Variants in KCNQ1 observed in about 807,000 individuals in gnomAD.
KCNQ1 encodes potassium voltage-gated channel subfamily Q member 1, also known as potassium voltage-gated channel subfamily KQT member 1.
Under a neutral mutation model 72.4 loss-of-function variants are expected in KCNQ1, and 49 were observed. That is an observed-to-expected ratio of 0.68 (90% CI 0.54 to 0.86). The LOEUF (loss-of-function observed/expected upper bound fraction) is 0.86, where lower values mean the gene tolerates loss of function less well. Among genes scored for constraint, KCNQ1 ranks in the 40% least tolerant of loss-of-function variants. The pLI, the probability that KCNQ1 is intolerant of heterozygous loss-of-function variation, is 0.00. For missense variants in KCNQ1, 790 were observed against 945.1 expected (o/e 0.84, Z 2.15); for synonymous variants, 450 against 412.6 (o/e 1.09, Z -1.10).
chr11:2,705,795 G>A (rs981224185), intron 11 of KCNQ1, among the ~76,000 whole-genome samples: 2 of 152,226 alleles, frequency 1.3e-5, no homozygotes, highest in Non-Finnish European at 2.9e-5. Context: ...TCGCTCTGGT[G>A]GTTATAGTTT....
chr11:2,726,088 C>A (rs925931925), intron 11 of KCNQ1, among the ~76,000 whole-genome samples: 2 of 152,154 alleles, frequency 1.3e-5, no homozygotes, highest in African/African-American at 4.8e-5. Flanking sequence ...GCCACCTCTG[C>A]GTGGGTGAAG....
intron 10 of KCNQ1, chr11:2,630,877 A>G (rs1849341325): frequency 5.0e-6 from 2 of 398,364 alleles, no homozygotes; most frequent in African/African-American, 2.1e-5. Flanking sequence ...GCAGTTTTTT[A>G]TCTTTCAGAA....
In KCNQ1 at chr11:2,532,687, G is replaced by A. The variant is rs111955334; in HGVS notation, c.477+4669G>A. On this transcript the variant is annotated intron_variant, in intron 2 of 15. Transcript: ENST00000155840. ...AGAAGGAGGTAAGCTGGTGCTGGCG[G>A]GGCAGGCAGGGACCCCTCCCAGGGC... Among the ~76,000 whole-genome samples the A allele has an allele frequency of 1.3e-3, 193 of 152,288 alleles. 3 individuals carry two copies. Among genetic ancestry groups the A allele is most frequent in the African/African-American group, 4.5e-3 (185 of 41,562 alleles).
rs993585183 is a variant in KCNQ1, at chr11:2,734,975, C to T, written c.1515-33869C>T. 5.3e-5 allele frequency among the ~76,000 whole-genome samples: 8 copies of T among 152,188 alleles called. No individual in the cohort carries two copies. The highest frequency in any genetic ancestry group is 5.2e-4 in the Admixed American group (8 of 15,306). The stretch of plus-strand genomic sequence containing the variant: ...ATGTGCCCCGGAGTGGCCGCGTGCC[C>T]AGCCGGCTGTGCACGCTGCCCCAGG... On this transcript the variant is annotated intron_variant, in intron 11 of 15. Transcript: ENST00000155840. This position sits in a 1 kb window ranked among gnomAD's most constrained non-coding sequence, Gnocchi z 7.0.
chr11:2,507,293 C>T lies in KCNQ1; in HGVS notation c.387-20635C>T, dbSNP rs995078990. Among the ~76,000 whole-genome samples, 1 of 152,194 alleles carries T rather than the reference C, an allele frequency of 6.6e-6. No individual in the cohort carries two copies. The highest frequency in any genetic ancestry group is 1.5e-5 in the Non-Finnish European group (1 of 68,046). ...CTTCCTTAGAAGTTCACCCCACTGG[C>T]TGGGGCCTTCACGAGGCCCCTCTGG... On this transcript the variant is annotated intron_variant, in intron 1 of 15. Coordinates refer to ENST00000155840, the MANE Select transcript of KCNQ1 (RefSeq NM_000218.3). This position sits in a 1 kb window ranked among gnomAD's most constrained non-coding sequence, Gnocchi z 5.4.
At chr11:2,582,360 C>T (rs1323292795) in intron 6 of KCNQ1, among the ~76,000 whole-genome samples, 1 of 152,150 alleles carries the variant, frequency 6.6e-6, no homozygotes, top group Non-Finnish European at 1.5e-5. Flanking sequence ...TCAGGTGGGC[C>T]GGGGTTTGTT....
In KCNQ1 at chr11:2,479,624, G is replaced by C. The variant is rs1162231994; in HGVS notation, c.386+34140G>C. On this transcript the variant is annotated intron_variant, in intron 1 of 15. Transcript: ENST00000155840. The surrounding 1 kb of genome is among the most constrained non-coding windows in gnomAD (Gnocchi z 4.6). ...GGGCCCAGTCCAGGAAACCATTTTT[G>C]CCTCCTAGGCCTCTGGGCCTGGGAT... is the stretch of plus-strand genomic sequence containing the variant. Among the ~76,000 whole-genome samples the C allele has an allele frequency of 6.6e-6, 1 of 152,182 alleles. No individual in the cohort carries two copies. Among genetic ancestry groups the C allele is most frequent in the Admixed American group, 6.5e-5 (1 of 15,282 alleles).
rs1270603505 is a variant in KCNQ1 at position 2,642,710 on chromosome 11, A to T, written c.1394-19251A>T. The T allele has an allele frequency of 5.0e-6, 2 of 397,416 alleles. No homozygotes were observed. Among genetic ancestry groups the T allele is most frequent in the East Asian group, 3.6e-5 (1 of 27,936 alleles). The allele number at this position is 397,416 out of a possible 1,614,324, so 24.6% of individuals were successfully genotyped here. On this transcript the variant is annotated intron_variant, in intron 10 of 15. Transcript: ENST00000155840. This position sits in a 1 kb window ranked among gnomAD's most constrained non-coding sequence, Gnocchi z 4.3. ...CTTTCCTTCTACTAATTTTATGTTT[A>T]GTATGGTTTGTTCTTGCTTTTCTGG...
At chr11:2,511,860 G>A (rs1209942893) in intron 1 of KCNQ1, among the ~76,000 whole-genome samples, 2 of 152,218 alleles carry the variant, frequency 1.3e-5, no homozygotes, top group Non-Finnish European at 1.5e-5. Flanking sequence ...CTGCCCTGTG[G>A]AGCCCGGCCT....
intron 2 of KCNQ1, among the ~76,000 whole-genome samples, chr11:2,561,598 G>A (rs1025695561): frequency 5.9e-5 from 9 of 152,242 alleles, no homozygotes; most frequent in South Asian, 2.1e-4. Context: ...TGAGCTGCTC[G>A]TCTGGGTCCC....
chr11:2,623,994 G>C lies in KCNQ1; in HGVS notation c.1393+35140G>C, dbSNP rs543060681. The C allele has an allele frequency of 2.5e-6, 1 of 398,960 alleles. No individual in the cohort carries two copies. Among genetic ancestry groups the C allele is most frequent in the South Asian group, 1.3e-4 (1 of 7,860 alleles). 24.7% of individuals were successfully genotyped at this position (398,960 alleles called of 1,614,324 possible). ...GCACCACTTTACATTCCCATTAATGGTATATGTCAAAGTGGCTGTACCATT... is the reference window on the plus strand; with the variant it reads ...GCACCACTTTACATTCCCATTAATGCTATATGTCAAAGTGGCTGTACCATT... On this transcript the variant is annotated intron_variant, in intron 10 of 15. Transcript: ENST00000155840. The surrounding 1 kb of genome is among the most constrained non-coding windows in gnomAD (Gnocchi z 5.2).
rs796223106 is a variant in KCNQ1 at position 2,544,293 on chromosome 11, T to TATATATGTGTATATATGTATATATATAC, written c.477+16275_477+16276insATATATGTGTATATATGTATATATATAC. On this transcript the variant is annotated intron_variant, in intron 2 of 15. Coordinates refer to ENST00000155840, the MANE Select transcript of KCNQ1 (RefSeq NM_000218.3). The surrounding 1 kb of genome is among the most constrained non-coding windows in gnomAD (Gnocchi z 4.4). ...GTGTATATATATGTGTATATATATA[T>TATATATGTGTATATATGTATATATATAC]GTATATATGTGTATATATGTATATA... is the stretch of plus-strand genomic sequence containing the variant. Among the ~76,000 whole-genome samples the TATATATGTGTATATATGTATATATATAC allele has an allele frequency of 7.3e-6, 1 of 136,540 alleles. No individual in the cohort carries two copies. The highest frequency in any genetic ancestry group is 3.2e-5 in the African/African-American group (1 of 31,662). The allele number at this position is 136,540 out of a possible 152,430, so 89.6% of individuals were successfully genotyped here.
At chr11:2,524,429 G>GTGTT (rs1258346675) in intron 1 of KCNQ1, among the ~76,000 whole-genome samples, 9 of 152,306 alleles carry the variant, frequency 5.9e-5, no homozygotes, top group African/African-American at 2.2e-4. Context: ...CTTGTAGCAT[G>GTGTT]TGTTTGATGA....
chr11:2,517,743 G>A (rs1847312062), intron 1 of KCNQ1, among the ~76,000 whole-genome samples: 2 of 152,202 alleles, frequency 1.3e-5, no homozygotes, highest in African/African-American at 4.8e-5. Context: ...ATGCCTGCAC[G>A]TCCTGCCCGC....
rs990061777 is a variant in KCNQ1, at chr11:2,612,830, T to C, written c.1393+23976T>C. The C allele has an allele frequency of 7.5e-6, 3 of 398,514 alleles. No homozygotes were observed. Among genetic ancestry groups the C allele is most frequent in the African/African-American group, 2.1e-5 (1 of 48,632 alleles). 24.7% of individuals were successfully genotyped at this position (398,514 alleles called of 1,614,324 possible). A position where few individuals can be genotyped will look rare whatever the true frequency, so the allele number is the denominator to read the frequency against. The stretch of plus-strand genomic sequence containing the variant: ...CATTTTTTTTGTTAAAAACTTACTT[T>C]AGATAATATATCGTAGAAACTCTGG... On this transcript the variant is annotated intron_variant, in intron 10 of 15. Transcript: ENST00000155840. The surrounding 1 kb of genome is among the most constrained non-coding windows in gnomAD (Gnocchi z 5.5).
chr11:2,581,081 C>A (rs1279548224), intron 6 of KCNQ1, among the ~76,000 whole-genome samples: 2 of 152,202 alleles, frequency 1.3e-5, no homozygotes, highest in African/African-American at 2.4e-5. Flanking sequence ...AGTGTCCCCC[C>A]AAAAAATCTG....
Position 2,745,157 on chromosome 11 carries a change from T to G in KCNQ1, c.1515-23687T>G, listed in dbSNP as rs1227134321. Among the ~76,000 whole-genome samples, 2 of 152,200 alleles carry G rather than the reference T, an allele frequency of 1.3e-5. No individual in the cohort carries two copies. Reference sequence around the variant, plus strand: ...TTATTCCTCCATGCCAACTTTAAAGTTAAGTTTATTGCATTTCTTAAAAAT... The same window carrying G: ...TTATTCCTCCATGCCAACTTTAAAGGTAAGTTTATTGCATTTCTTAAAAAT... On this transcript the variant is annotated intron_variant, in intron 11 of 15. Transcript: ENST00000155840. The surrounding 1 kb of genome is among the most constrained non-coding windows in gnomAD (Gnocchi z 6.2).
In KCNQ1 at chr11:2,544,385, CATATATGTGTAT is replaced by C. The variant is rs1267604420; in HGVS notation, c.477+16372_477+16383del. ...ATATATATGTGTATATATATGTGTG[CATATATGTGTAT>C]ATATGTGTGTGTATATATATATATG... is the stretch of plus-strand genomic sequence containing the variant. On this transcript the variant is annotated intron_variant, in intron 2 of 15. Coordinates refer to ENST00000155840, the MANE Select transcript of KCNQ1 (RefSeq NM_000218.3). This position sits in a 1 kb window ranked among gnomAD's most constrained non-coding sequence, Gnocchi z 4.4. Among the ~76,000 whole-genome samples, 1 of 113,496 alleles carries C rather than the reference CATATATGTGTAT, an allele frequency of 8.8e-6. No homozygotes were observed. Among genetic ancestry groups the C allele is most frequent in the Non-Finnish European group, 2.0e-5 (1 of 50,814 alleles). 74.5% of individuals were successfully genotyped at this position (113,496 alleles called of 152,430 possible).
At chr11:2,570,228 G>A (rs2133725964) in intron 2 of KCNQ1, among the ~76,000 whole-genome samples, 1 of 151,926 alleles carries the variant, frequency 6.6e-6, no homozygotes, top group East Asian at 1.9e-4. Flanking sequence ...ACGCCCTCTG[G>A]CCCAAGCTGG....
Sources: gnomAD v4.1 joint callset for allele counts (sites outside exome capture counted in the v4.1 genomes callset) on GRCh38, gnomAD v4.1.1 for gene constraint, Gnocchi (gnomAD v3.1) non-coding constraint, MANE v1.5 for transcripts, NCBI Gene and HGNC (gene_info 2026-07-23, HGNC 2026-07-21) for gene names.